The following ZC3H6 variants were observed in gnomAD, a reference collection of about 807,000 sequenced individuals.
ZC3H6 encodes zinc finger CCCH domain-containing protein 6.
Under a neutral mutation model 107.7 loss-of-function variants are expected in ZC3H6, and 40 were observed. That is an observed-to-expected ratio of 0.37 (90% CI 0.29 to 0.48). ZC3H6 has a LOEUF of 0.48. ZC3H6 is among the 20% of genes least tolerant of loss of function. The pLI, the probability that ZC3H6 is intolerant of heterozygous loss-of-function variation, is 0.98. For synonymous variants in ZC3H6, 493 were observed against 487.9 expected, an observed-to-expected ratio of 1.01 and a Z score of -0.14; for missense variants, 1,267 against 1,410.4, an observed-to-expected ratio of 0.90 and a Z score of 1.63.
intron 1 of ZC3H6, chr2:112,286,572 G>C (rs1209205371): frequency 6.5e-6 from 1 of 153,186 alleles, no homozygotes. Context: ...CAAGTAGCTG[G>C]GACTATGGGC....
chr2:112,305,547 A>C (rs1452002561), intron 3 of ZC3H6, among the ~76,000 whole-genome samples: 2 of 152,248 alleles, frequency 1.3e-5, no homozygotes, highest in African/African-American at 4.8e-5. Flanking sequence ...GCTTCAAAAA[A>C]ATCAGTTAAA....
chr2:112,279,845 A>G (rs1395965084), intron 1 of ZC3H6, among the ~76,000 whole-genome samples: 2 of 152,238 alleles, frequency 1.3e-5, no homozygotes, highest in Non-Finnish European at 2.9e-5. Flanking sequence ...GAACCCAGGT[A>G]TTATTATTTT....
At chr2:112,329,545 A>G (rs188915794) in intron 11 of ZC3H6, among the ~76,000 whole-genome samples, 5 of 152,334 alleles carry the variant, frequency 3.3e-5, no homozygotes, top group East Asian at 1.9e-4. Context: ...ACTTTTTGCA[A>G]TTGTGACATA....
chr2:112,332,148 G>A lies in ZC3H6; in HGVS notation c.3230G>A (p.Ser1077Asn). 1 of 1,613,912 alleles carries A rather than the reference G, an allele frequency of 6.2e-7. No homozygotes were observed. The highest frequency in any genetic ancestry group is 8.5e-7 in the Non-Finnish European group (1 of 1,179,836). The change falls in exon 12 of 12, where the codon AGT becomes AAT. Residue 1077 changes from serine (S) to asparagine (N), a missense_variant. Coordinates refer to ENST00000409871, the MANE Select transcript of ZC3H6 (RefSeq NM_198581.3). ...GAAAACTCAAAGAACCAGAAAAAAA[G>A]TGGTGGCTTAAAAAGTAGTGACAAA... ...SGENSKNQKK[S>N]GGLKSSDKTE...
chr2:112,281,765 A>G (rs939333666), intron 1 of ZC3H6, among the ~76,000 whole-genome samples: 1 of 152,122 alleles, frequency 6.6e-6, no homozygotes, highest in African/African-American at 2.4e-5. Context: ...AATGAATGAT[A>G]CCACTCAAGG....
At chr2:112,313,472 A>T (rs1237570326) in intron 5 of ZC3H6, among the ~76,000 whole-genome samples, 1 of 152,150 alleles carries the variant, frequency 6.6e-6, no homozygotes, top group Admixed American at 6.6e-5. Context: ...AGCAAGTTAT[A>T]CCTGTCTCTT....
chr2:112,311,081 T>A (rs2104713124), intron 4 of ZC3H6, among the ~76,000 whole-genome samples: 1 of 152,308 alleles, frequency 6.6e-6, no homozygotes, highest in East Asian at 1.9e-4. Flanking sequence ...GTCTTGTTCA[T>A]CCCTTCCCAC....
intron 1 of ZC3H6, among the ~76,000 whole-genome samples, chr2:112,297,993 T>A (rs990915985): frequency 3.3e-5 from 5 of 152,132 alleles, no homozygotes; most frequent in African/African-American, 9.7e-5. Flanking sequence ...CGTGTGCCTG[T>A]AATCCCAGCT....
chr2:112,329,595 A>G (rs1188802248), intron 11 of ZC3H6, among the ~76,000 whole-genome samples: 2 of 152,196 alleles, frequency 1.3e-5, no homozygotes, highest in East Asian at 1.9e-4. Context: ...CTAAATACCA[A>G]TGCTTGTTTT....
Position 112,338,860 on chromosome 2 carries a change from TATATATATATATATATA to T in ZC3H6, c.*6373_*6389del, listed in dbSNP as rs1677187069. 3.5e-4 allele frequency: 1 copy of T among 2,860 alleles called. No individual in the cohort carries two copies. Among genetic ancestry groups the T allele is most frequent in the Non-Finnish European group, 4.7e-4 (1 of 2,106 alleles). The allele number at this position is 2,860 out of a possible 1,614,324, so 0.2% of individuals were successfully genotyped here. ...ATATATGTATGTATATGTGTGTATA[TATATATATATATATATA>T]TATATATATATATATATATATATAT... is the stretch of plus-strand genomic sequence containing the variant. On this transcript the variant is annotated 3_prime_UTR_variant, in exon 12 of 12. Coordinates refer to ENST00000409871, the MANE Select transcript of ZC3H6 (RefSeq NM_198581.3).
chr2:112,279,823 C>A (rs1214988658), intron 1 of ZC3H6, among the ~76,000 whole-genome samples: 1 of 152,210 alleles, frequency 6.6e-6, no homozygotes, highest in East Asian at 1.9e-4. Context: ...CTCATAAATA[C>A]AACCTAGATA....
chr2:112,300,058 TGATAAATGTTTATGAAA>T, intron 2 of ZC3H6, 29 bp downstream of exon 2: 1 of 1,301,616 alleles, frequency 7.7e-7, no homozygotes, highest in Non-Finnish European at 1.0e-6. Flanking sequence ...TTTATTCTTT[TGATAAATGTTTATGAAA>T]TATAAAATAC....
rs1464050191 is a variant in ZC3H6, at chr2:112,277,121, C to G, written c.32+1095C>G. On this transcript the variant is annotated intron_variant, in intron 1 of 11. Coordinates refer to ENST00000409871, the MANE Select transcript of ZC3H6 (RefSeq NM_198581.3). ...TTGAAATATCTAAATACCTAGCAAT[C>G]TTGAGAGGGATAAAAATGGTATTTC... 5.9e-5 allele frequency among the ~76,000 whole-genome samples: 9 copies of G among 152,174 alleles called. No homozygotes were observed. In the East Asian group the frequency reaches 1.2e-3, roughly 20 times the overall value.
In ZC3H6 at chr2:112,338,855, G is replaced by GTATATATA. The variant is rs1157174486; in HGVS notation, c.*6418_*6425dup. 1.6e-4 allele frequency: 6 copies of GTATATATA among 38,444 alleles called. No individual in the cohort carries two copies. Among genetic ancestry groups the GTATATATA allele is most frequent in the Non-Finnish European group, 2.2e-4 (5 of 22,836 alleles). The allele number at this position is 38,444 out of a possible 1,614,324, so 2.4% of individuals were successfully genotyped here. On this transcript the variant is annotated 3_prime_UTR_variant, in exon 12 of 12. Coordinates refer to ENST00000409871, the MANE Select transcript of ZC3H6 (RefSeq NM_198581.3). ...TATATATATATGTATGTATATGTGT[G>GTATATATA]TATATATATATATATATATATATAT...
At position 112,332,280 on chromosome 2, in the gene ZC3H6, C is replaced by G. The variant is rs760621408; in HGVS notation, c.3362C>G (p.Ser1121Cys). ...CCACAGGCGGACGTTCCCAGGAGTT[C>G]TGGTAAGGTTCAGGTCCCAGCAGTG... ...ADPQADVPRS[S>C]GKVQVPAVHS... is the part of the protein sequence containing the mutation. Residue 1121 changes from serine to cysteine, a missense_variant, in exon 12 of 12, where the codon TCT becomes TGT. Transcript: ENST00000409871. 9.9e-6 allele frequency: 16 copies of G among 1,613,798 alleles called. No homozygotes were observed. The South Asian group carries it at 1.6e-4, about 17-fold the overall frequency.
intron 3 of ZC3H6, 47 bp downstream of exon 3, chr2:112,303,398 T>G (rs1676421720): frequency 6.8e-7 from 1 of 1,473,118 alleles, no homozygotes; most frequent in Admixed American, 1.9e-5. Context: ...TAGCATAAAA[T>G]GTACCATTTT....
chr2:112,332,592 A>C lies in ZC3H6; in HGVS notation c.*104A>C. The C allele has an allele frequency of 8.3e-7, 1 of 1,206,284 alleles. No homozygotes were observed. Among genetic ancestry groups the C allele is most frequent in the South Asian group, 1.7e-5 (1 of 59,496 alleles). The allele number at this position is 1,206,284 out of a possible 1,614,324, so 74.7% of individuals were successfully genotyped here. A position where few individuals can be genotyped will look rare whatever the true frequency, so the allele number is the denominator to read the frequency against. ...TAGTTTATTTATTTTTAAATTATAA[A>C]CACTTTTCAGCTGCTAGTATCAGAA... is the stretch of plus-strand genomic sequence containing the variant. On this transcript the variant is annotated 3_prime_UTR_variant, in exon 12 of 12. Transcript: ENST00000409871.
chr2:112,321,380 T>C (rs1676798711), intron 7 of ZC3H6, among the ~76,000 whole-genome samples: 1 of 151,992 alleles, frequency 6.6e-6, no homozygotes, highest in African/African-American at 2.4e-5. Context: ...TTTTTTTCCT[T>C]TAAAAAGTGG....
At chr2:112,290,602 A>G (rs1308085197) in intron 1 of ZC3H6, among the ~76,000 whole-genome samples, 2 of 151,122 alleles carry the variant, frequency 1.3e-5, no homozygotes, top group African/African-American at 4.9e-5. Flanking sequence ...TTGCCATTGT[A>G]TCCCCACTGA....
Sources: gnomAD v4.1 joint callset for allele counts (sites outside exome capture counted in the v4.1 genomes callset) on GRCh38, gnomAD v4.1.1 for gene constraint, MANE v1.5 for transcripts, NCBI Gene and HGNC (gene_info 2026-07-23, HGNC 2026-07-21) for gene names.